Variants in ADCY3 observed in about 807,000 individuals in gnomAD.
ADCY3 encodes the protein adenylate cyclase 3, also known as adenylate cyclase type 3.
ADCY3 carries 70 observed loss-of-function variants against 119.4 expected under a neutral mutation model. That is an observed-to-expected ratio of 0.59 (90% CI 0.48 to 0.72). The LOEUF is 0.72. Among genes scored for constraint, ADCY3 ranks in the 30% least tolerant of loss-of-function variants. The pLI, the probability that ADCY3 is intolerant of heterozygous loss-of-function variation, is 0.00. For missense variants in ADCY3, 1,238 were observed against 1,541.6 expected, an observed-to-expected ratio of 0.80 and a Z score of 3.30; for synonymous variants, 672 against 621.4, an observed-to-expected ratio of 1.08 and a Z score of -1.21.
chr2:24,842,496 A>C lies in ADCY3; in HGVS notation c.826-112T>G. 2.9e-6 allele frequency: 4 copies of C among 1,381,292 alleles called. No homozygotes were observed. Among genetic ancestry groups the C allele is most frequent in the Non-Finnish European group, 4.0e-6 (4 of 1,008,514 alleles). The allele number at this position is 1,381,292 out of a possible 1,614,324, so 85.6% of individuals were successfully genotyped here. On this transcript the variant is annotated intron_variant, in intron 3 of 21. Transcript: ENST00000679454. The surrounding 1 kb of genome is among the most constrained non-coding windows in gnomAD (Gnocchi z 4.9). The stretch of plus-strand genomic sequence containing the variant: ...TGGCAAGAAACGTGAGCAGGGAACC[A>C]TGCTGCCCTCCAGAGAGACCTCACA...
chr2:24,837,055 A>G lies in ADCY3; in HGVS notation c.1534-10T>C. The G allele has an allele frequency of 6.2e-7, 1 of 1,613,522 alleles. No individual in the cohort carries two copies. The highest frequency in any genetic ancestry group is 1.1e-5 in the South Asian group (1 of 90,970). ...CTCCATTGGGCAGGGCCTAGAGGAAAGGAGAGCTCAGCCATGATCTGGGCA... is the reference window on the plus strand; with the variant it reads ...CTCCATTGGGCAGGGCCTAGAGGAAGGGAGAGCTCAGCCATGATCTGGGCA... On this transcript the variant is annotated splice_polypyrimidine_tract_variant and intron_variant, in intron 8 of 21. Coordinates refer to ENST00000679454, the MANE Select transcript of ADCY3 (RefSeq NM_004036.5).
At chr2:24,858,691 C>A (rs1673292003) in intron 3 of ADCY3, among the ~76,000 whole-genome samples, 1 of 152,266 alleles carries the variant, frequency 6.6e-6, no homozygotes, top group Admixed American at 6.5e-5. Flanking sequence ...AGTTCTCCAG[C>A]AATTCTACAA....
chr2:24,821,021 C>CAGGA (rs1553330707), intron 20 of ADCY3, 173 bp from the exon 21 acceptor site: 1 of 937,576 alleles, frequency 1.1e-6, no homozygotes, highest in Non-Finnish European at 1.5e-6. Context: ...CCTGTTTATC[C>CAGGA]GTGTGCTTGT....
chr2:24,900,245 G>T (rs1474947491), intron 2 of ADCY3, among the ~76,000 whole-genome samples: 3 of 147,916 alleles, frequency 2.0e-5, no homozygotes, highest in Non-Finnish European at 4.5e-5. Flanking sequence ...TGAGTAGCTG[G>T]GATTACAGGT....
In ADCY3 at chr2:24,822,576, T is replaced by C; in HGVS notation, c.2938A>G (p.Thr980Ala). 1 of 1,614,092 alleles carries C rather than the reference T, an allele frequency of 6.2e-7. No individual in the cohort carries two copies. Among genetic ancestry groups the C allele is most frequent in the Non-Finnish European group, 8.5e-7 (1 of 1,180,016 alleles). ...VITKIKTIGS[T>A]YMAASGVTPD... ...GTGACTCCTGAAGCCGCCATATACG[T>C]GCTGCCAATGGTTTTGATCTTGGTG... The change falls in exon 19 of 22, where the codon ACG becomes GCG. Residue 980 changes from threonine to alanine, a missense_variant. Physicochemically the swap from Thr to Ala is moderately conservative, Grantham distance 58 (BLOSUM62 0). Transcript: ENST00000679454.
chr2:24,903,773 G>A (rs892466408), intron 2 of ADCY3, among the ~76,000 whole-genome samples: 4 of 152,178 alleles, frequency 2.6e-5, no homozygotes, highest in Non-Finnish European at 4.4e-5. Context: ...TGAACAGGGA[G>A]CGCCATGATC....
chr2:24,835,663 C>T (rs1033849261), intron 9 of ADCY3, among the ~76,000 whole-genome samples: 4 of 152,072 alleles, frequency 2.6e-5, no homozygotes, highest in Admixed American at 6.5e-5. Context: ...GGGCCGGGCA[C>T]GGTGACTCAC....
chr2:24,887,886 T>C (rs1677247802), intron 2 of ADCY3, among the ~76,000 whole-genome samples: 1 of 152,210 alleles, frequency 6.6e-6, no homozygotes, highest in Non-Finnish European at 1.5e-5. Context: ...AGATACACAA[T>C]ACATCTAAGT....
At chr2:24,900,049 C>T (rs1483655765) in intron 2 of ADCY3, among the ~76,000 whole-genome samples, 2 of 151,428 alleles carry the variant, frequency 1.3e-5, no homozygotes, top group Non-Finnish European at 2.9e-5. Flanking sequence ...ATTTTCCAGG[C>T]TTTCCACAGT....
intron 2 of ADCY3, among the ~76,000 whole-genome samples, chr2:24,884,233 G>A (rs1025195102): frequency 2.6e-5 from 4 of 152,028 alleles, no homozygotes; most frequent in African/African-American, 9.7e-5. Flanking sequence ...GTTAAAATGG[G>A]AGATTCCAGG....
intron 3 of ADCY3, among the ~76,000 whole-genome samples, chr2:24,866,702 T>C (rs548457892): frequency 4.0e-5 from 6 of 150,986 alleles, no homozygotes; most frequent in East Asian, 3.9e-4. Flanking sequence ...TTCTAAAAAA[T>C]AGATGACAAA....
chr2:24,886,110 C>T (rs1342971817), intron 2 of ADCY3, among the ~76,000 whole-genome samples: 1 of 152,220 alleles, frequency 6.6e-6, no homozygotes, highest in African/African-American at 2.4e-5. Context: ...GATGTCTCCA[C>T]CTGTTTCAGT....
At position 24,820,126 on chromosome 2, in the gene ADCY3, G is replaced by A. The variant is rs1380470542; in HGVS notation, c.3253-12C>T. On this transcript the variant is annotated splice_polypyrimidine_tract_variant and intron_variant, in intron 21 of 21. Transcript: ENST00000679454. Reference sequence around the variant, plus strand: ...GTTTCTTCTACCACCTGGAGAGGGAGGGGGAGCAAGAACGTGGCGTTACGG... The same window carrying A: ...GTTTCTTCTACCACCTGGAGAGGGAAGGGGAGCAAGAACGTGGCGTTACGG... 6.5e-7 allele frequency: 1 copy of A among 1,533,114 alleles called. No individual in the cohort carries two copies. The highest frequency in any genetic ancestry group is 8.8e-7 in the Non-Finnish European group (1 of 1,140,282). The allele number at this position is 1,533,114 out of a possible 1,614,324, so 95.0% of individuals were successfully genotyped here.
Position 24,872,609 on chromosome 2 carries a change from C to T in ADCY3, c.786G>A (p.Leu262=), listed in dbSNP as rs1294298605. 6.2e-7 allele frequency: 1 copy of T among 1,614,232 alleles called. No homozygotes were observed. The change falls in exon 3 of 22, where the codon CTG becomes CTA. Residue 262 remains leucine (L), a synonymous_variant. Coordinates refer to ENST00000679454, the MANE Select transcript of ADCY3 (RefSeq NM_004036.5). This position sits in a 1 kb window ranked among gnomAD's most constrained non-coding sequence, Gnocchi z 4.4. ...GCTCTTCCAGGTTCATCTTCACCTC[C>T]AGCGACTGGCGGGCCTCCAGGAAGG... ...RKAFLEARQS[L]EVKMNLEEQS...
At chr2:24,886,220 A>G (rs1161797109) in intron 2 of ADCY3, among the ~76,000 whole-genome samples, 1 of 152,182 alleles carries the variant, frequency 6.6e-6, no homozygotes, top group East Asian at 1.9e-4. Context: ...GAAGGAATGA[A>G]TACATGGAGG....
rs754796095 is a variant in ADCY3, at chr2:24,899,855, C to T, written c.675+18458G>A. Among the ~76,000 whole-genome samples, 85 of 152,138 alleles carry T rather than the reference C, an allele frequency of 5.6e-4. No homozygotes were observed. The highest frequency in any genetic ancestry group is 8.8e-4 in the Non-Finnish European group (60 of 68,026). On this transcript the variant is annotated intron_variant, in intron 2 of 21. Transcript: ENST00000679454. The surrounding 1 kb of genome is among the most constrained non-coding windows in gnomAD (Gnocchi z 4.5). ...CAATGGGTACCTATGAGAAGGGGAGCAAGGGAAGGAAGGAGGACTTTCACT... is the reference window on the plus strand; with the variant it reads ...CAATGGGTACCTATGAGAAGGGGAGTAAGGGAAGGAAGGAGGACTTTCACT...
At chr2:24,836,732 G>A (rs1283973002) in intron 9 of ADCY3, among the ~76,000 whole-genome samples, 185 bp downstream of exon 9, 1 of 152,210 alleles carries the variant, frequency 6.6e-6, no homozygotes, top group Admixed American at 6.5e-5. Context: ...AACTGATGAG[G>A]AGACAGTGGG....
At chr2:24,829,327 C>T (rs1483058785) in intron 13 of ADCY3, among the ~76,000 whole-genome samples, 2 of 150,866 alleles carry the variant, frequency 1.3e-5, no homozygotes, top group African/African-American at 2.4e-5. Flanking sequence ...CCCCACTGGA[C>T]TTCTGATTAG....
At chr2:24,851,930 G>A (rs1478794139) in intron 3 of ADCY3, among the ~76,000 whole-genome samples, 1 of 152,212 alleles carries the variant, frequency 6.6e-6, no homozygotes, top group Non-Finnish European at 1.5e-5. Context: ...TAGCAGGTCA[G>A]AGAGATGGAT....
Sources: gnomAD v4.1 joint callset for allele counts (sites outside exome capture counted in the v4.1 genomes callset) on GRCh38, gnomAD v4.1.1 for gene constraint, Gnocchi (gnomAD v3.1) non-coding constraint, MANE v1.5 for transcripts, NCBI Gene and HGNC (gene_info 2026-07-23, HGNC 2026-07-21) for gene names.